TPM3: variants seen among roughly 807,000 people sequenced by gnomAD.
TPM3 encodes the protein tropomyosin alpha-3 chain.
TPM3 carries 16 observed loss-of-function variants against 43.1 expected under a neutral mutation model. The ratio of observed to expected loss-of-function variants is 0.37; its 90% CI spans 0.25 to 0.56. The LOEUF (loss-of-function observed/expected upper bound fraction) is 0.56. Ranked by LOEUF, TPM3 falls within the 20% of genes least tolerant of loss-of-function variation. The pLI is 0.77. For synonymous variants in TPM3, 101 were observed against 116.9 expected (o/e 0.86, Z 0.88); for missense variants, 176 against 337.2 (o/e 0.52, Z 3.74).
chr1:154,179,722 T>G (rs1662735109), intron 2 of TPM3, among the ~76,000 whole-genome samples: 1 of 152,132 alleles, frequency 6.6e-6, no homozygotes, highest in South Asian at 2.1e-4. Flanking sequence ...TAGCTGGGAT[T>G]ACAGGCATGC....
Position 154,164,843 on chromosome 1 carries a change from T to C in TPM3, c.*3094A>G, listed in dbSNP as rs1416883089. 6.6e-6 allele frequency among the ~76,000 whole-genome samples: 1 copy of C among 152,228 alleles called. No individual in the cohort carries two copies. On this transcript the variant is annotated 3_prime_UTR_variant, in exon 10 of 10. Transcript: ENST00000651641. Reference sequence around the variant, plus strand: ...AATGGCTGAAATGTGAGAAACACCATGTTAGTGAATCACTTTGCTAATCTG... The same window carrying C: ...AATGGCTGAAATGTGAGAAACACCACGTTAGTGAATCACTTTGCTAATCTG...
At chr1:154,189,456 C>G (rs574002964) in intron 2 of TPM3, among the ~76,000 whole-genome samples, 163 of 151,802 alleles carry the variant, frequency 1.1e-3, no homozygotes, top group African/African-American at 3.9e-3. Flanking sequence ...CCACTGCACT[C>G]CAGCCTGGGC....
downstream of TPM3, chr1:154,157,476 A>C: frequency 1.4e-6 from 1 of 737,526 alleles, no homozygotes; most frequent in Non-Finnish European, 2.5e-6. Context: ...AGAGGCAGAG[A>C]CAGTTTGGCG....
At chr1:154,186,080 T>C (rs1663401411) in intron 2 of TPM3, among the ~76,000 whole-genome samples, 1 of 151,582 alleles carries the variant, frequency 6.6e-6, no homozygotes, top group African/African-American at 2.4e-5. Flanking sequence ...ACAACTTGGA[T>C]AGATAATAAT....
downstream of TPM3, chr1:154,156,334 TAATA>T: frequency 5.4e-6 from 1 of 185,366 alleles, no homozygotes; most frequent in Non-Finnish European, 1.1e-5. Flanking sequence ...CATTTAGTTT[TAATA>T]AATAAAAGTC....
In TPM3 at chr1:154,176,327, G is replaced by A. The variant is rs1197615420; in HGVS notation, c.244-79C>T. 5.6e-6 allele frequency: 9 copies of A among 1,605,030 alleles called. No individual in the cohort carries two copies. In the African/African-American group the frequency reaches 8.0e-5, roughly 14 times the overall value. ...AAATAACTATGACATTAAGATCAGG[G>A]TTGACTACCATGAAAAAGCCAGAGT... On this transcript the variant is annotated intron_variant, in intron 2 of 9. Coordinates refer to ENST00000651641, the MANE Select transcript of TPM3 (RefSeq NM_152263.4).
chr1:154,182,968 G>C (rs768883263), intron 2 of TPM3: 1 of 1,610,534 alleles, frequency 6.2e-7, no homozygotes, highest in African/African-American at 1.3e-5. Flanking sequence ...CCTCCCTCAT[G>C]AGCCTCACCA....
chr1:154,183,369 G>A, intron 2 of TPM3: 1 of 1,341,292 alleles, frequency 7.5e-7, no homozygotes, highest in South Asian at 1.5e-5. Context: ...GCCTTACCTT[G>A]GGCCAGTAAA....
At chr1:154,191,801 A>T in intron 1 of TPM3, 101 bp downstream of exon 1, 1 of 1,569,250 alleles carries the variant, frequency 6.4e-7, no homozygotes, top group Non-Finnish European at 8.7e-7. Context: ...CACCCCCAAA[A>T]AGGAGGTGAC....
chr1:154,171,174 G>A (rs537706261), intron 6 of TPM3: 1 of 606,724 alleles, frequency 1.6e-6, no homozygotes, highest in South Asian at 2.0e-5. Context: ...TTTCAGCACA[G>A]CAGTATCAGC....
intron 8 of TPM3, 61 bp downstream of exon 8, chr1:154,170,339 T>G: frequency 1.3e-6 from 2 of 1,559,340 alleles, no homozygotes; most frequent in Non-Finnish European, 1.8e-6. Flanking sequence ...AAGAGATTAA[T>G]GGTTAATGGG....
Position 154,170,638 on chromosome 1 carries a change from C to T in TPM3, c.705+11G>A. On this transcript the variant is annotated intron_variant, in intron 7 of 9. Coordinates refer to ENST00000651641, the MANE Select transcript of TPM3 (RefSeq NM_152263.4). ...GTTTTGGGTTCTGCCCTATAAATCCCCTCAGCTCACCTCCTTGAGTTTATC... is the reference window on the plus strand; with the variant it reads ...GTTTTGGGTTCTGCCCTATAAATCCTCTCAGCTCACCTCCTTGAGTTTATC... 2 of 1,612,664 alleles carry T rather than the reference C, an allele frequency of 1.2e-6. No homozygotes were observed. Among genetic ancestry groups the T allele is most frequent in the Non-Finnish European group, 1.7e-6 (2 of 1,178,892 alleles).
At chr1:154,155,817 CAGTGTT>C (rs1433574490), downstream of TPM3, 2 of 222,416 alleles carry the variant, frequency 9.0e-6, no homozygotes, top group East Asian at 1.3e-4. Flanking sequence ...CCTGAGATGT[CAGTGTT>C]AACCTATAAA....
rs192654077 is a variant in TPM3 at position 154,185,153 on chromosome 1, C to T, written c.243+6033G>A. Among the ~76,000 whole-genome samples the T allele has an allele frequency of 8.7e-4, 132 of 151,950 alleles. 3 individuals carry two copies. In the East Asian group the frequency reaches 0.023, roughly 26 times the overall value. On this transcript the variant is annotated intron_variant, in intron 2 of 9. Transcript: ENST00000651641. ...TTGGGAGGCCACGGCGGGCAGATCA[C>T]CTGAGGTCAGGAGTTTGAGACCAGC...
At chr1:154,191,149 G>A in intron 2 of TPM3, 37 bp downstream of exon 2, 1 of 1,613,936 alleles carries the variant, frequency 6.2e-7, no homozygotes, top group Non-Finnish European at 8.5e-7. Flanking sequence ...ATCTATATGT[G>A]TAGATTAAAC....
At chr1:154,159,386 T>C (rs1213336204), downstream of TPM3, among the ~76,000 whole-genome samples, 1 of 152,200 alleles carries the variant, frequency 6.6e-6, no homozygotes, top group Non-Finnish European at 1.5e-5. Context: ...AGGAATACAG[T>C]TGGCTTCGAA....
At chr1:154,169,547 G>T in intron 8 of TPM3, 164 bp from the exon 9 acceptor site, 1 of 698,990 alleles carries the variant, frequency 1.4e-6, no homozygotes, top group Non-Finnish European at 2.5e-6. Flanking sequence ...GACATTTTCA[G>T]ATCTACTCTC....
chr1:154,155,624 CTT>C (rs879157180), downstream of TPM3: 17 of 234,206 alleles, frequency 7.3e-5, no homozygotes, highest in African/African-American at 3.8e-4. Context: ...AGCAAATACT[CTT>C]GAGAGCACTT....
Position 154,165,119 on chromosome 1 carries a change from C to G in TPM3, c.*2818G>C, listed in dbSNP as rs1660795758. ...TGCTCAGGCCAGGTGCAGTGGCTCA[C>G]GCCTGTAATCCCAACACTTTGGGAG... On this transcript the variant is annotated 3_prime_UTR_variant, in exon 10 of 10. Transcript: ENST00000651641. 1.3e-5 allele frequency among the ~76,000 whole-genome samples: 2 copies of G among 152,172 alleles called. No individual in the cohort carries two copies. The highest frequency in any genetic ancestry group is 4.8e-5 in the African/African-American group (2 of 41,544).
Sources: allele counts gnomAD v4.1 joint callset (sites outside exome capture counted in the v4.1 genomes callset), GRCh38; gene constraint gnomAD v4.1.1; transcripts MANE v1.5; gene names NCBI Gene and HGNC (gene_info 2026-07-23, HGNC 2026-07-21).